SPOCK3: variants seen among roughly 807,000 people sequenced by gnomAD.
SPOCK3 encodes SPARC (osteonectin), cwcv and kazal like domains proteoglycan 3, also known as testican-3.
Under a neutral mutation model 56.6 loss-of-function variants are expected in SPOCK3, and 30 were observed. That is an observed-to-expected ratio of 0.53 (90% CI 0.40 to 0.72). The LOEUF (loss-of-function observed/expected upper bound fraction) is 0.72, where lower values mean the gene tolerates loss of function less well. Among genes scored for constraint, SPOCK3 ranks in the 30% least tolerant of loss-of-function variants. SPOCK3 has a pLI of 0.00. For synonymous variants in SPOCK3, 196 were observed against 183.3 expected (o/e 1.07, Z -0.56); for missense variants, 527 against 530.0 (o/e 0.99, Z 0.06).
intron 3 of SPOCK3, among the ~76,000 whole-genome samples, chr4:167,049,218 T>C (rs979517551): frequency 1.3e-5 from 2 of 151,782 alleles, no homozygotes; most frequent in Non-Finnish European, 2.9e-5. Context: ...ATCTTTGAAG[T>C]TTTTATTGTC....
At chr4:167,116,054 T>C (rs1761299649) in intron 2 of SPOCK3, among the ~76,000 whole-genome samples, 1 of 151,882 alleles carries the variant, frequency 6.6e-6, no homozygotes, top group South Asian at 2.1e-4. Context: ...GAAAAATATG[T>C]GGTAACCTAA....
At chr4:166,754,395 C>A in intron 8 of SPOCK3, 113 bp downstream of exon 8, 1 of 1,408,152 alleles carries the variant, frequency 7.1e-7, no homozygotes, top group Non-Finnish European at 9.2e-7. Flanking sequence ...ACTTGAATTA[C>A]AAAAACATAC....
At position 167,085,571 on chromosome 4, in the gene SPOCK3, C is replaced by T. The variant is rs115316640; in HGVS notation, c.190-23034G>A. On this transcript the variant is annotated intron_variant, in intron 2 of 10. Transcript: ENST00000357545. ...TGAGGGAGAGCCATGTGGCGAAATT[C>T]ATCGTTTGAAAAGAGGAATCTAGCG... 8.7e-3 allele frequency among the ~76,000 whole-genome samples: 1,318 copies of T among 152,162 alleles called. 16 individuals carry two copies. Among genetic ancestry groups the T allele is most frequent in the African/African-American group, 0.03 (1,242 of 41,550 alleles).
chr4:167,085,564 C>T (rs939722353), intron 2 of SPOCK3, among the ~76,000 whole-genome samples: 8 of 151,986 alleles, frequency 5.3e-5, no homozygotes, highest in Admixed American at 2.6e-4. Flanking sequence ...AGCCATGTGG[C>T]GAAATTCATC....
At position 166,954,728 on chromosome 4, in the gene SPOCK3, T is replaced by A. The variant is rs530974840; in HGVS notation, c.351-41985A>T. ...CATTTTTAACTCTACAAGTCAATGG[T>A]TTTAAATAAACTTCCACCACAATCC... On this transcript the variant is annotated intron_variant, in intron 4 of 10. Coordinates refer to ENST00000357545, the MANE Select transcript of SPOCK3 (RefSeq NM_001040159.2). Among the ~76,000 whole-genome samples the A allele has an allele frequency of 5.1e-4, 77 of 152,224 alleles. 1 individual carries two copies. The South Asian group carries it at 8.1e-3, about 16-fold the overall frequency.
At chr4:166,961,378 G>A (rs1744132754) in intron 4 of SPOCK3, among the ~76,000 whole-genome samples, 1 of 151,998 alleles carries the variant, frequency 6.6e-6, no homozygotes, top group South Asian at 2.1e-4. Flanking sequence ...CCAAATTTGA[G>A]GATTGAAGTA....
chr4:166,880,511 C>A (rs1158757564), intron 6 of SPOCK3, among the ~76,000 whole-genome samples: 1 of 152,138 alleles, frequency 6.6e-6, no homozygotes, highest in African/African-American at 2.4e-5. Flanking sequence ...TAGAAGAACC[C>A]AGACTACTTC....
chr4:166,964,760 CAAAGAACTAAAATT>C (rs1449889036), intron 4 of SPOCK3, among the ~76,000 whole-genome samples: 1 of 151,648 alleles, frequency 6.6e-6, no homozygotes, highest in Non-Finnish European at 1.5e-5. Flanking sequence ...CTTGAAAAAT[CAAAGAACTAAAATT>C]AAAGAAGTCA....
At chr4:166,770,668 A>C (rs1376279833) in intron 7 of SPOCK3, among the ~76,000 whole-genome samples, 1 of 152,220 alleles carries the variant, frequency 6.6e-6, no homozygotes, top group Non-Finnish European at 1.5e-5. Flanking sequence ...TTTTAAACAC[A>C]ACCGTATTGA....
chr4:166,935,674 TGAG>T lies in SPOCK3; in HGVS notation c.351-22934_351-22932del, dbSNP rs201085862. Among the ~76,000 whole-genome samples, 256 of 152,230 alleles carry T rather than the reference TGAG, an allele frequency of 1.7e-3. 6 individuals are homozygous for T. In the East Asian group the frequency reaches 0.036, roughly 22 times the overall value. The stretch of plus-strand genomic sequence containing the variant: ...TAGAGTTTGAGCATAAGGGTTAATA[TGAG>T]GAGTTTTAAAGGATCACTCTCAGCT... On this transcript the variant is annotated intron_variant, in intron 4 of 10. Coordinates refer to ENST00000357545, the MANE Select transcript of SPOCK3 (RefSeq NM_001040159.2).
intron 4 of SPOCK3, among the ~76,000 whole-genome samples, chr4:166,946,016 A>C (rs1269435169): frequency 1.6e-5 from 2 of 126,550 alleles, no homozygotes; most frequent in Non-Finnish European, 3.3e-5. Flanking sequence ...ACCACTCTGC[A>C]AAACTTCTTG....
chr4:166,949,484 G>A (rs575023933), intron 4 of SPOCK3, among the ~76,000 whole-genome samples: 29 of 152,074 alleles, frequency 1.9e-4, no homozygotes, highest in Non-Finnish European at 3.5e-4. Context: ...TCTACTTTTG[G>A]TCTTTGATGA....
At chr4:166,945,682 A>G (rs558291027) in intron 4 of SPOCK3, among the ~76,000 whole-genome samples, 1 of 152,206 alleles carries the variant, frequency 6.6e-6, no homozygotes, top group South Asian at 2.1e-4. Flanking sequence ...TGGCATCCCT[A>G]GTTGGGCTCT....
chr4:167,169,822 T>C (rs1465435797), intron 2 of SPOCK3, among the ~76,000 whole-genome samples: 3 of 152,084 alleles, frequency 2.0e-5, no homozygotes, highest in African/African-American at 7.2e-5. Context: ...CAGGTGGCAA[T>C]AAATGAATCA....
intron 6 of SPOCK3, among the ~76,000 whole-genome samples, chr4:166,837,794 T>A (rs1746788963): frequency 6.6e-6 from 1 of 152,190 alleles, no homozygotes; most frequent in Admixed American, 6.5e-5. Flanking sequence ...TTCAATATTG[T>A]TTCCTTTAGC....
At chr4:166,850,438 C>G (rs1280385869) in intron 6 of SPOCK3, among the ~76,000 whole-genome samples, 1 of 152,162 alleles carries the variant, frequency 6.6e-6, no homozygotes, top group Non-Finnish European at 1.5e-5. Context: ...GAATGTGATG[C>G]TAAGAAATTT....
intron 6 of SPOCK3, among the ~76,000 whole-genome samples, chr4:166,795,700 A>G (rs1400909761): frequency 6.6e-6 from 1 of 151,888 alleles, no homozygotes; most frequent in African/African-American, 2.4e-5. Context: ...TAAATGAAGT[A>G]TTTATTAATA....
chr4:166,974,159 A>C (rs72973513), intron 4 of SPOCK3, among the ~76,000 whole-genome samples: 3,441 of 152,214 alleles, frequency 0.023, 114 homozygotes, highest in African/African-American at 0.079. Context: ...TCCTTTAATA[A>C]AATTTTTAAA....
At chr4:167,050,108 G>A (rs1036379411) in intron 3 of SPOCK3, among the ~76,000 whole-genome samples, 2 of 152,056 alleles carry the variant, frequency 1.3e-5, no homozygotes, top group African/African-American at 2.4e-5. Flanking sequence ...TTCTTTGGGG[G>A]TTTTCTTGCT....
Sources: gnomAD v4.1 joint callset for allele counts (sites outside exome capture counted in the v4.1 genomes callset) on GRCh38, gnomAD v4.1.1 for gene constraint, MANE v1.5 for transcripts, NCBI Gene and HGNC (gene_info 2026-07-23, HGNC 2026-07-21) for gene names.